Variants in GUCY1A2 observed in about 807,000 individuals in gnomAD.
GUCY1A2 encodes the protein guanylate cyclase soluble subunit alpha-2.
A neutral mutation model predicts 63.5 loss-of-function variants in GUCY1A2; 27 were observed. The ratio of observed to expected loss-of-function variants is 0.43; its 90% confidence interval spans 0.31 to 0.59. The LOEUF (loss-of-function observed/expected upper bound fraction) is 0.59. Ranked by LOEUF, GUCY1A2 falls within the 20% of genes least tolerant of loss-of-function variation. The probability of loss-of-function intolerance (pLI) is 0.11; values close to 1 mark genes in which losing one functional copy is unlikely to be tolerated. For missense variants in GUCY1A2, 768 were observed against 913.3 expected, an observed-to-expected ratio of 0.84 and a Z score of 2.05; for synonymous variants, 364 against 343.5, an observed-to-expected ratio of 1.06 and a Z score of -0.66.
chr11:106,913,589 A>G (rs1371637960), intron 4 of GUCY1A2, among the ~76,000 whole-genome samples: 1 of 152,112 alleles, frequency 6.6e-6, no homozygotes, highest in Non-Finnish European at 1.5e-5. Context: ...TGGGGATTAA[A>G]TTTCAACATA....
chr11:106,716,772 A>G (rs76132354), intron 6 of GUCY1A2, among the ~76,000 whole-genome samples: 2 of 134,710 alleles, frequency 1.5e-5, no homozygotes, highest in Non-Finnish European at 3.3e-5. Flanking sequence ...CCGTCTCAAA[A>G]AAAAAAAAAA....
At chr11:106,863,613 A>C (rs111360317) in intron 4 of GUCY1A2, among the ~76,000 whole-genome samples, 1 of 152,188 alleles carries the variant, frequency 6.6e-6, no homozygotes, top group South Asian at 2.1e-4. Flanking sequence ...TGTCTTGGCT[A>C]TATGGGCTCT....
rs1419580247 is a variant in GUCY1A2, at chr11:106,978,708, A to G, written c.398T>C (p.Ile133Thr). Residue 133 changes from isoleucine to threonine, a missense_variant, in exon 3 of 8, where the codon ATC becomes ACC. Coordinates refer to ENST00000526355, the MANE Select transcript of GUCY1A2 (RefSeq NM_000855.3). ...YRDAEKNFHN[I>T]SNRCSYADHS... Reference sequence around the variant, plus strand: ...GTCTGCATAGGAGCATCTGTTAGAGATATTGTGGAAATTCTTTTCTGCATC... The same window carrying G: ...GTCTGCATAGGAGCATCTGTTAGAGGTATTGTGGAAATTCTTTTCTGCATC... 6.3e-7 allele frequency: 1 copy of G among 1,593,522 alleles called. No homozygotes were observed. Among genetic ancestry groups the G allele is most frequent in the Admixed American group, 1.7e-5 (1 of 57,852 alleles).
intron 4 of GUCY1A2, among the ~76,000 whole-genome samples, chr11:106,923,559 T>C (rs745816398): frequency 6.6e-6 from 1 of 152,148 alleles, no homozygotes; most frequent in Non-Finnish European, 1.5e-5. Flanking sequence ...TGACATTATG[T>C]ACAAGTTTAA....
chr11:106,755,482 T>C (rs1863957071), intron 6 of GUCY1A2, among the ~76,000 whole-genome samples: 1 of 152,190 alleles, frequency 6.6e-6, no homozygotes, highest in South Asian at 2.1e-4. Flanking sequence ...TTGTGGGTAT[T>C]TAGTGCTATA....
intron 4 of GUCY1A2, among the ~76,000 whole-genome samples, chr11:106,880,350 G>A (rs1258023363): frequency 1.3e-5 from 2 of 151,990 alleles, no homozygotes; most frequent in Non-Finnish European, 2.9e-5. Flanking sequence ...CGTGAAGGTT[G>A]CCAAGGGGAG....
intron 3 of GUCY1A2, among the ~76,000 whole-genome samples, chr11:106,964,454 C>A (rs1220049903): frequency 6.6e-6 from 1 of 152,106 alleles, no homozygotes; most frequent in African/African-American, 2.4e-5. Flanking sequence ...TACCTACATT[C>A]AAGTCAAAGA....
At chr11:106,749,933 A>G (rs909108623) in intron 6 of GUCY1A2, among the ~76,000 whole-genome samples, 1 of 152,090 alleles carries the variant, frequency 6.6e-6, no homozygotes, top group Admixed American at 6.6e-5. Flanking sequence ...GGGCAGAAAC[A>G]ATTGGATCTA....
At chr11:106,722,902 TC>T (rs1282477199) in intron 6 of GUCY1A2, among the ~76,000 whole-genome samples, 1 of 151,960 alleles carries the variant, frequency 6.6e-6, no homozygotes, top group African/African-American at 2.4e-5. Flanking sequence ...TTGACCCCAT[TC>T]CCCCAGACAT....
chr11:106,861,104 C>T (rs1403743014), intron 4 of GUCY1A2, among the ~76,000 whole-genome samples: 10 of 151,914 alleles, frequency 6.6e-5, no homozygotes, highest in Non-Finnish European at 1.3e-4. Context: ...TCGCTCTAAC[C>T]TATTAGATAT....
chr11:106,828,298 AG>A (rs1054731988), intron 4 of GUCY1A2, among the ~76,000 whole-genome samples: 1 of 27,268 alleles, frequency 3.7e-5, no homozygotes, highest in African/African-American at 1.1e-4. Context: ...AGCTTTTCCT[AG>A]ATTTTTTTTT....
chr11:106,859,037 C>A (rs952298376), intron 4 of GUCY1A2, among the ~76,000 whole-genome samples: 2 of 151,904 alleles, frequency 1.3e-5, no homozygotes. Context: ...TTAAAATTAA[C>A]CCTGGCCTCT....
chr11:106,785,197 C>T (rs940430617), intron 5 of GUCY1A2, among the ~76,000 whole-genome samples: 1 of 152,098 alleles, frequency 6.6e-6, no homozygotes, highest in Non-Finnish European at 1.5e-5. Context: ...TTTCTAAAGG[C>T]CCCTGAAAGC....
At chr11:106,759,561 G>A (rs10890581) in intron 6 of GUCY1A2, among the ~76,000 whole-genome samples, 8,039 of 152,278 alleles carry the variant, frequency 0.053, 334 homozygotes, top group African/African-American at 0.11. Flanking sequence ...GATATAATTA[G>A]TCAAATTGAA....
At chr11:106,757,310 G>A (rs527908957) in intron 6 of GUCY1A2, among the ~76,000 whole-genome samples, 8 of 152,136 alleles carry the variant, frequency 5.3e-5, no homozygotes, top group South Asian at 4.2e-4. Context: ...CCTTTAGCTC[G>A]GAGAAGTTTG....
rs979074646 is a variant in GUCY1A2 at position 106,677,086 on chromosome 11, G to A, written c.*10463C>T. 4.7e-6 allele frequency: 1 copy of A among 213,952 alleles called. No homozygotes were observed. The highest frequency in any genetic ancestry group is 9.5e-6 in the Non-Finnish European group (1 of 105,806). The allele number at this position is 213,952 out of a possible 1,614,324, so 13.3% of individuals were successfully genotyped here. A position where few individuals can be genotyped will look rare whatever the true frequency, so the allele number is the denominator to read the frequency against. ...AAATCCACAAAGTGTTCAATCATGTGAAAGTGAAAAAGGGAGGCTCCAGCC... is the reference window on the plus strand; with the variant it reads ...AAATCCACAAAGTGTTCAATCATGTAAAAGTGAAAAAGGGAGGCTCCAGCC... On this transcript the variant is annotated 3_prime_UTR_variant, in exon 8 of 8. Coordinates refer to ENST00000526355, the MANE Select transcript of GUCY1A2 (RefSeq NM_000855.3).
chr11:106,992,092 T>C (rs1297531206), intron 1 of GUCY1A2, among the ~76,000 whole-genome samples: 3 of 152,196 alleles, frequency 2.0e-5, no homozygotes, highest in Non-Finnish European at 4.4e-5. Context: ...AATCTAAGCA[T>C]GTAACCTTCA....
At chr11:106,689,526 A>G (rs1862584745) in intron 7 of GUCY1A2, among the ~76,000 whole-genome samples, 1 of 152,178 alleles carries the variant, frequency 6.6e-6, no homozygotes, top group Admixed American at 6.5e-5. Flanking sequence ...CAGGAAAAAA[A>G]CACAACCCCA....
intron 3 of GUCY1A2, among the ~76,000 whole-genome samples, chr11:106,966,671 C>T (rs1861130442): frequency 6.6e-6 from 1 of 152,072 alleles, no homozygotes; most frequent in Non-Finnish European, 1.5e-5. Context: ...CAATCTTTTC[C>T]TGCAGTTAAT....
Sources: gnomAD v4.1 joint callset for allele counts (sites outside exome capture counted in the v4.1 genomes callset) on GRCh38, gnomAD v4.1.1 for gene constraint, MANE v1.5 for transcripts, NCBI Gene and HGNC (gene_info 2026-07-23, HGNC 2026-07-21) for gene names.